Variants in FAN1 observed in about 807,000 individuals in gnomAD.
FAN1 encodes fanconi-associated nuclease 1.
FAN1 carries 91 observed loss-of-function variants against 104.9 expected under a neutral mutation model. That is an observed-to-expected ratio of 0.87 (90% CI 0.73 to 1.03). The LOEUF is 1.03. Ranked by LOEUF, FAN1 falls within the 50% of genes least tolerant of loss-of-function variation. The pLI, the probability that FAN1 is intolerant of heterozygous loss-of-function variation, is 0.00. For synonymous variants in FAN1, 478 were observed against 457.6 expected (o/e 1.04, Z -0.57); for missense variants, 1,263 against 1,239.9 (o/e 1.02, Z -0.28).
chr15:30,932,136 C>T (rs953024487), intron 13 of FAN1, among the ~76,000 whole-genome samples: 17 of 148,646 alleles, frequency 1.1e-4, no homozygotes, highest in African/African-American at 2.2e-4. Context: ...GCAGGAGAAT[C>T]GCTTGAACTC....
At chr15:30,940,159 TG>T in intron 14 of FAN1, 1 of 985,466 alleles carries the variant, frequency 1.0e-6, no homozygotes, top group Non-Finnish European at 1.2e-6. Flanking sequence ...AAAGTATCCA[TG>T]TTTTAAGCGG....
Position 30,918,238 on chromosome 15 carries a change from A to G in FAN1, c.1886A>G (p.Glu629Gly). Residue 629 changes from glutamate to glycine, a missense_variant, in exon 6 of 15, where the codon GAG becomes GGG. Transcript: ENST00000362065. The part of the protein sequence containing the change: ...MANGNWEEAK[E>G]LAQCAKRDWN... ...AATGGGAACTGGGAAGAAGCTAAGG[A>G]GCTCGCTCAGTGTGCAAAAAGGGAT... 1 of 1,614,128 alleles carries G rather than the reference A, an allele frequency of 6.2e-7. No individual in the cohort carries two copies. The highest frequency in any genetic ancestry group is 8.5e-7 in the Non-Finnish European group (1 of 1,180,002).
At chr15:30,936,047 C>CA (rs1039589591) in intron 13 of FAN1, among the ~76,000 whole-genome samples, 2 of 151,770 alleles carry the variant, frequency 1.3e-5, no homozygotes, top group African/African-American at 4.8e-5. Flanking sequence ...TTTGGGGACT[C>CA]TAATTAAATG....
At chr15:30,928,909 C>T (rs2062541678) in intron 11 of FAN1, 2 of 556,982 alleles carry the variant, frequency 3.6e-6, no homozygotes, top group South Asian at 7.9e-5. Flanking sequence ...CCATCAGCAT[C>T]AGCCCTCCCG....
In FAN1 at chr15:30,938,678, T is replaced by A. The variant is rs540008119; in HGVS notation, c.*3+1419T>A. On this transcript the variant is annotated intron_variant, in intron 14 of 14. Transcript: ENST00000362065. ...CTGTCTCTTGACTTCTTTGAAGCCT[T>A]CTTGGGGGAATATTACTCCCCAGTT... Among the ~76,000 whole-genome samples, 11 of 152,260 alleles carry A rather than the reference T, an allele frequency of 7.2e-5. No individual in the cohort carries two copies. In the East Asian group the frequency reaches 2.1e-3, roughly 29 times the overall value.
At chr15:30,940,506 G>T (rs1208450456) in intron 14 of FAN1, 16 of 985,282 alleles carry the variant, frequency 1.6e-5, no homozygotes, top group Non-Finnish European at 1.9e-5. Flanking sequence ...TTTCCAGGGG[G>T]AAGTGCCAGC....
rs2063094713 is a variant in FAN1, at chr15:30,942,706, G to A, written c.*1144G>A. ...CACTCTCAGGTACTGAGACTTTGTG[G>A]GCCTCAGACACCAGGAAGAAAGCTG... On this transcript the variant is annotated 3_prime_UTR_variant, in exon 15 of 15. Coordinates refer to ENST00000362065, the MANE Select transcript of FAN1 (RefSeq NM_014967.5). 6.8e-6 allele frequency: 4 copies of A among 587,698 alleles called. No homozygotes were observed. The highest frequency in any genetic ancestry group is 1.1e-5 in the Non-Finnish European group (4 of 355,878). 36.4% of individuals were successfully genotyped at this position (587,698 alleles called of 1,614,324 possible). A position where few individuals can be genotyped will look rare whatever the true frequency, so the allele number is the denominator to read the frequency against.
intron 13 of FAN1, among the ~76,000 whole-genome samples, chr15:30,933,086 T>C (rs140637876): frequency 6.6e-6 from 1 of 152,294 alleles, no homozygotes; most frequent in Non-Finnish European, 1.5e-5. Context: ...ATTCTTGATA[T>C]TGGTAATTTG....
At chr15:30,910,199 C>T (rs2062068196) in intron 3 of FAN1, among the ~76,000 whole-genome samples, 1 of 152,186 alleles carries the variant, frequency 6.6e-6, no homozygotes, top group Admixed American at 6.5e-5. Flanking sequence ...TCACGAATGC[C>T]GAGTGAGCAG....
In FAN1 at chr15:30,905,333, G is replaced by T. The variant is rs1485297075; in HGVS notation, c.670G>T (p.Glu224Ter). The T allele has an allele frequency of 6.2e-7, 1 of 1,613,824 alleles. No homozygotes were observed. The highest frequency in any genetic ancestry group is 1.1e-5 in the South Asian group (1 of 91,076). ...NVFKCDSLKE[E>*]CIPEHMVRGS... ...GTTTAAATGTGATTCTCTAAAGGAA[G>T]AGTGCATTCCTGAACATATGGTAAG... Residue 224 changes from glutamate to a stop codon, truncating the protein, a stop_gained, in exon 2 of 15, where the codon GAG becomes TAG. Coordinates refer to ENST00000362065, the MANE Select transcript of FAN1 (RefSeq NM_014967.5). LOFTEE classifies it high-confidence loss of function.
chr15:30,936,504 T>C (rs1401520671), intron 13 of FAN1, among the ~76,000 whole-genome samples: 1 of 152,242 alleles, frequency 6.6e-6, no homozygotes, highest in African/African-American at 2.4e-5. Context: ...TCATTTGCTA[T>C]ACTAAGAATC....
At position 30,941,302 on chromosome 15, in the gene FAN1, A is replaced by ATT. The variant is rs146513200; in HGVS notation, c.*4-263_*4-262insTT. ...GAACAAAATTTACATCTCTCTTAAA[A>ATT]TAAGTGTGAAAGAAGCATGATTCAA... On this transcript the variant is annotated intron_variant, in intron 14 of 14. Coordinates refer to ENST00000362065, the MANE Select transcript of FAN1 (RefSeq NM_014967.5). 1,416 of 1,521,534 alleles carry ATT rather than the reference A, an allele frequency of 9.3e-4. 13 individuals are homozygous for ATT. In the East Asian group the frequency reaches 0.028, roughly 30 times the overall value. 94.3% of individuals were successfully genotyped at this position (1,521,534 alleles called of 1,614,324 possible). A position where few individuals can be genotyped will look rare whatever the true frequency, so the allele number is the denominator to read the frequency against.
In FAN1 at chr15:30,918,179, G is replaced by T; in HGVS notation, c.1827G>T (p.Thr609=). The part of the protein sequence containing the change: ...RDDLIRYAAA[T]HMLSDISSAM... The stretch of plus-strand genomic sequence containing the variant: ...TTTCCTCCAGATATGCAGCAGCCAC[G>T]CACATGCTGAGTGACATTTCTTCCG... Residue 609 remains threonine (T), a synonymous_variant, in exon 6 of 15, where the codon ACG becomes ACT. Transcript: ENST00000362065. 6.2e-7 allele frequency: 1 copy of T among 1,613,918 alleles called. No homozygotes were observed. The highest frequency in any genetic ancestry group is 1.3e-5 in the African/African-American group (1 of 75,002).
intron 3 of FAN1, 75 bp downstream of exon 3, chr15:30,908,333 T>G (rs2062028153): frequency 3.0e-6 from 4 of 1,311,902 alleles, no homozygotes; most frequent in Middle Eastern, 1.9e-4. Flanking sequence ...GATGGCAGTA[T>G]TATTATGGTG....
rs1404134110 is a variant in FAN1, at chr15:30,918,217, G to A, written c.1865G>A (p.Gly622Glu). 1.2e-6 allele frequency: 2 copies of A among 1,613,916 alleles called. No individual in the cohort carries two copies. The highest frequency in any genetic ancestry group is 1.7e-6 in the Non-Finnish European group (2 of 1,179,978). The change falls in exon 6 of 15, where the codon GGG becomes GAG. Residue 622 changes from glycine to glutamate, a missense_variant. By Grantham distance (98) the Gly-to-Glu change is moderately conservative. Transcript: ENST00000362065. ...LSDISSAMAN[G>E]NWEEAKELAQ... ...GACATTTCTTCCGCAATGGCCAATG[G>A]GAACTGGGAAGAAGCTAAGGAGCTC...
At chr15:30,930,432 G>A (rs1248867981) in intron 12 of FAN1, 111 bp from the exon 13 acceptor site, 2 of 1,268,148 alleles carry the variant, frequency 1.6e-6, no homozygotes, top group Non-Finnish European at 2.1e-6. Context: ...TGGGGTCCAT[G>A]TGCACTGAAT....
At chr15:30,933,737 T>C (rs2062775911) in intron 13 of FAN1, among the ~76,000 whole-genome samples, 1 of 150,702 alleles carries the variant, frequency 6.6e-6, no homozygotes, top group South Asian at 2.1e-4. Context: ...CTGATTATAA[T>C]TGTGGTATTT....
intron 8 of FAN1, among the ~76,000 whole-genome samples, chr15:30,922,770 G>A (rs1426260960): frequency 6.6e-6 from 1 of 152,236 alleles, no homozygotes; most frequent in African/African-American, 2.4e-5. Flanking sequence ...GCGAGAAAGC[G>A]TTCCTTTCCC....
chr15:30,908,418 T>G (rs1371788355), intron 3 of FAN1, among the ~76,000 whole-genome samples, 160 bp downstream of exon 3: 1 of 152,238 alleles, frequency 6.6e-6, no homozygotes, highest in East Asian at 1.9e-4. Context: ...AAATTACTCA[T>G]GTGATGCTAA....
Sources: gnomAD v4.1 joint callset for allele counts (sites outside exome capture counted in the v4.1 genomes callset) on GRCh38, gnomAD v4.1.1 for gene constraint, MANE v1.5 for transcripts, NCBI Gene and HGNC (gene_info 2026-07-23, HGNC 2026-07-21) for gene names.